The following RFX3 variants were observed in gnomAD, a reference collection of about 807,000 sequenced individuals.
The protein encoded by RFX3 is regulatory factor X3, also known as transcription factor RFX3.
RFX3 carries 14 observed loss-of-function variants against 98.6 expected under a neutral mutation model. The ratio of observed to expected loss-of-function variants is 0.14; its 90% CI spans 0.09 to 0.22. The LOEUF is 0.22. Among genes scored for constraint, RFX3 ranks in the 10% least tolerant of loss-of-function variants. The pLI, the probability that RFX3 is intolerant of heterozygous loss-of-function variation, is 1.00. For synonymous variants in RFX3, 383 were observed against 328.4 expected, an observed-to-expected ratio of 1.17 and a Z score of -1.80; for missense variants, 639 against 926.9, an observed-to-expected ratio of 0.69 and a Z score of 4.03.
intron 1 of RFX3, among the ~76,000 whole-genome samples, chr9:3,509,298 A>G (rs370596430): frequency 1.3e-5 from 2 of 151,980 alleles, no homozygotes; most frequent in Admixed American, 1.3e-4. Flanking sequence ...TTGTTCCACA[A>G]AAGAGTGACC....
Position 3,283,073 on chromosome 9 carries a change from T to C in RFX3, c.851+5058A>G, listed in dbSNP as rs74771728. Among the ~76,000 whole-genome samples the C allele has an allele frequency of 7.5e-3, 1,140 of 151,842 alleles. 8 individuals are homozygous for C. Among genetic ancestry groups the C allele is most frequent in the African/African-American group, 0.026 (1,078 of 41,498 alleles). On this transcript the variant is annotated intron_variant, in intron 7 of 16. Transcript: ENST00000617270. ...TGTGATTATTTATGTTTCTCCTCTC[T>C]TCAATAGAAAAGATTATCATTACAT...
intron 9 of RFX3, among the ~76,000 whole-genome samples, chr9:3,271,946 A>C (rs538261610): frequency 1.3e-5 from 2 of 151,942 alleles, no homozygotes; most frequent in African/African-American, 2.4e-5. Context: ...AACAACCTTA[A>C]GACTATCTCC....
At chr9:3,276,811 C>T (rs1465944583) in intron 8 of RFX3, among the ~76,000 whole-genome samples, 1 of 151,848 alleles carries the variant, frequency 6.6e-6, no homozygotes, top group Non-Finnish European at 1.5e-5. Context: ...TTGGCTATGG[C>T]AAAAATATGA....
intron 1 of RFX3, among the ~76,000 whole-genome samples, chr9:3,480,693 A>T (rs568281347): frequency 1.3e-5 from 2 of 152,216 alleles, no homozygotes; most frequent in Admixed American, 1.3e-4. Context: ...AATCTTAATT[A>T]TAAGTGGAAC....
chr9:3,403,504 T>G (rs539462221), intron 1 of RFX3, among the ~76,000 whole-genome samples: 1 of 152,296 alleles, frequency 6.6e-6, no homozygotes, highest in Admixed American at 6.5e-5. Context: ...CAGTGATTAA[T>G]GCTGAAGATG....
At chr9:3,301,729 G>A (rs1586945858) in intron 4 of RFX3, 109 bp from the exon 5 acceptor site, 8 of 707,816 alleles carry the variant, frequency 1.1e-5, no homozygotes, top group South Asian at 4.3e-5. Flanking sequence ...CTCAACGGTC[G>A]TTAATGAACA....
At chr9:3,506,890 C>A (rs1320503204) in intron 1 of RFX3, among the ~76,000 whole-genome samples, 2 of 151,748 alleles carry the variant, frequency 1.3e-5, no homozygotes, top group South Asian at 4.1e-4. Context: ...GTAAATAAAT[C>A]CAATGGAAAT....
intron 1 of RFX3, among the ~76,000 whole-genome samples, chr9:3,419,856 A>T (rs995366040): frequency 3.3e-5 from 5 of 152,080 alleles, no homozygotes; most frequent in Non-Finnish European, 7.4e-5. Flanking sequence ...TGTTTTTCAC[A>T]CTCAAATATT....
At chr9:3,520,840 A>C (rs937010148) in intron 1 of RFX3, among the ~76,000 whole-genome samples, 3 of 152,068 alleles carry the variant, frequency 2.0e-5, no homozygotes, top group Non-Finnish European at 2.9e-5. Flanking sequence ...AAGGCTGGCT[A>C]ATTTTCTTTT....
chr9:3,345,725 T>C (rs999917755), intron 3 of RFX3, among the ~76,000 whole-genome samples: 3 of 152,274 alleles, frequency 2.0e-5, no homozygotes, highest in South Asian at 4.1e-4. Context: ...TTAGTTATAA[T>C]AATAATAGAT....
chr9:3,348,438 A>C (rs1374922288), intron 2 of RFX3, among the ~76,000 whole-genome samples: 3 of 151,690 alleles, frequency 2.0e-5, no homozygotes, highest in Non-Finnish European at 4.4e-5. Context: ...TGAGGATATT[A>C]GTAGCCATTG....
chr9:3,336,538 T>C (rs76466932), intron 3 of RFX3, among the ~76,000 whole-genome samples: 4,461 of 152,134 alleles, frequency 0.029, 214 homozygotes, highest in African/African-American at 0.1. Context: ...GTCAGCCCTA[T>C]GGAAAACAAG....
chr9:3,328,648 T>C (rs1000536161), intron 4 of RFX3, among the ~76,000 whole-genome samples: 3 of 152,052 alleles, frequency 2.0e-5, no homozygotes, highest in Admixed American at 6.6e-5. Flanking sequence ...TAGTAACAAA[T>C]AGCGAATTAA....
intron 1 of RFX3, among the ~76,000 whole-genome samples, chr9:3,506,565 A>T (rs2133786949): frequency 6.6e-6 from 1 of 152,094 alleles, no homozygotes; most frequent in East Asian, 1.9e-4. Context: ...AGAAAATAGA[A>T]ATAAGGTATA....
In RFX3 at chr9:3,299,160, T is replaced by A. The variant is rs184979869; in HGVS notation, c.549+2386A>T. ...TTTAAAATATTAACAACAATTTTTT[T>A]AAAAAACTCCATCTCTCCACTGAAA... On this transcript the variant is annotated intron_variant, in intron 5 of 16. Coordinates refer to ENST00000617270, the MANE Select transcript of RFX3 (RefSeq NM_001282116.2). Among the ~76,000 whole-genome samples, 986 of 151,808 alleles carry A rather than the reference T, an allele frequency of 6.5e-3. 10 individuals carry two copies. The highest frequency in any genetic ancestry group is 0.023 in the African/African-American group (945 of 41,482).
At chr9:3,376,851 C>G (rs968771044) in intron 2 of RFX3, among the ~76,000 whole-genome samples, 1 of 152,192 alleles carries the variant, frequency 6.6e-6, no homozygotes, top group African/African-American at 2.4e-5. Flanking sequence ...AAATGCTCAT[C>G]ATCACTGGCC....
At chr9:3,250,476 T>C (rs1033498939) in intron 14 of RFX3, among the ~76,000 whole-genome samples, 5 of 152,050 alleles carry the variant, frequency 3.3e-5, no homozygotes, top group African/African-American at 7.2e-5. Context: ...TTATAGCTGG[T>C]TTGGAAAAAC....
intron 3 of RFX3, chr9:3,344,641 C>T (rs1053929371): frequency 1.2e-5 from 7 of 568,560 alleles, no homozygotes; most frequent in African/African-American, 7.7e-5. Context: ...ACAACAGACA[C>T]GAAAGCTACA....
At chr9:3,413,950 T>G (rs1228919015) in intron 1 of RFX3, among the ~76,000 whole-genome samples, 1 of 152,128 alleles carries the variant, frequency 6.6e-6, no homozygotes, top group Admixed American at 6.5e-5. Context: ...AAATCAAGAT[T>G]GTCTTCTTTC....
Sources: allele counts gnomAD v4.1 joint callset (sites outside exome capture counted in the v4.1 genomes callset), GRCh38; gene constraint gnomAD v4.1.1; transcripts MANE v1.5; gene names NCBI Gene and HGNC (gene_info 2026-07-23, HGNC 2026-07-21).